The following TRHDE variants were observed in gnomAD, a reference collection of about 807,000 sequenced individuals.
TRHDE encodes the protein thyrotropin-releasing hormone-degrading ectoenzyme.
A neutral mutation model predicts 125.7 loss-of-function variants in TRHDE; 72 were observed. The ratio of observed to expected loss-of-function variants is 0.57; its 90% CI spans 0.47 to 0.70. TRHDE has a LOEUF of 0.70. TRHDE is among the 30% of genes least tolerant of loss of function. The pLI, the probability that TRHDE is intolerant of heterozygous loss-of-function variation, is 0.00. For synonymous variants in TRHDE, 509 were observed against 509.1 expected, an observed-to-expected ratio of 1.00 and a Z score of 0.00; for missense variants, 1,110 against 1,327.1, an observed-to-expected ratio of 0.84 and a Z score of 2.54.
chr12:72,406,114 T>C (rs558983679), intron 3 of TRHDE, among the ~76,000 whole-genome samples: 93 of 152,316 alleles, frequency 6.1e-4, no homozygotes, highest in African/African-American at 2.1e-3. Flanking sequence ...AAGGCTTTTA[T>C]ATAAAATAAT....
intron 2 of TRHDE, among the ~76,000 whole-genome samples, chr12:72,136,951 C>T (rs1566239536): frequency 6.6e-6 from 1 of 152,200 alleles, no homozygotes; most frequent in Non-Finnish European, 1.5e-5. Flanking sequence ...GCAGTGTGTA[C>T]TTTGGTCTCT....
chr12:72,294,581 A>G (rs1880215840), intron 2 of TRHDE, among the ~76,000 whole-genome samples: 1 of 152,008 alleles, frequency 6.6e-6, no homozygotes, highest in South Asian at 2.1e-4. Context: ...GGGCTCTTAT[A>G]AGCCTCAGAG....
chr12:72,296,085 A>G (rs1880289430), intron 2 of TRHDE, among the ~76,000 whole-genome samples: 1 of 152,188 alleles, frequency 6.6e-6, no homozygotes, highest in South Asian at 2.1e-4. Context: ...AACTCTTTGA[A>G]GGTAGGCACC....
At chr12:72,300,911 T>C (rs4237862) in intron 2 of TRHDE, among the ~76,000 whole-genome samples, 130,366 of 152,054 alleles carry the variant, frequency 0.86, 55,937 homozygotes, top group East Asian at 0.93. Flanking sequence ...ACTGAGTAGA[T>C]GGTGCATTAG....
chr12:72,348,053 TTTAA>T (rs1870409767), intron 2 of TRHDE, among the ~76,000 whole-genome samples: 1 of 151,976 alleles, frequency 6.6e-6, no homozygotes, highest in Non-Finnish European at 1.5e-5. Context: ...TAAAAAATAT[TTTAA>T]TTGACAATCA....
chr12:72,238,312 ATATATATATAC>A (rs1565669941), intron 2 of TRHDE, among the ~76,000 whole-genome samples: 5 of 35,006 alleles, frequency 1.4e-4, no homozygotes, highest in African/African-American at 4.8e-4. Context: ...ATATATATAT[ATATATATATAC>A]ATATATATAT....
intron 2 of TRHDE, among the ~76,000 whole-genome samples, chr12:72,367,057 C>A (rs1871366416): frequency 6.6e-6 from 1 of 152,078 alleles, no homozygotes; most frequent in South Asian, 2.1e-4. Context: ...GTTTTCATAT[C>A]ATCATGTGCC....
intron 2 of TRHDE, among the ~76,000 whole-genome samples, chr12:72,118,335 G>A (rs1051360390): frequency 6.6e-6 from 1 of 151,916 alleles, no homozygotes; most frequent in African/African-American, 2.4e-5. Context: ...CCTTCATTCT[G>A]TTGATACAAT....
intron 6 of TRHDE, among the ~76,000 whole-genome samples, chr12:72,515,984 C>G: frequency 6.9e-6 from 1 of 144,412 alleles, no homozygotes; most frequent in Non-Finnish European, 1.5e-5. Flanking sequence ...GGGCTCTGTT[C>G]TGTTCCATTG....
chr12:72,280,580 T>C (rs778421927), intron 1 of TRHDE, among the ~76,000 whole-genome samples: 10 of 151,892 alleles, frequency 6.6e-5, no homozygotes, highest in African/African-American at 9.7e-5. Context: ...AAAAGAAAGG[T>C]TGTGGTATTT....
chr12:72,630,558 C>A (rs565574755), intron 15 of TRHDE, among the ~76,000 whole-genome samples: 11 of 151,828 alleles, frequency 7.2e-5, no homozygotes, highest in African/African-American at 2.7e-4. Flanking sequence ...AATGCACACA[C>A]CTTCAGTCTC....
intron 2 of TRHDE, among the ~76,000 whole-genome samples, chr12:72,208,526 CTG>C (rs1432393140): frequency 6.6e-6 from 1 of 152,152 alleles, no homozygotes. Context: ...CAGTGGCAAA[CTG>C]TTGTGCTTAG....
intron 3 of TRHDE, among the ~76,000 whole-genome samples, chr12:72,413,223 A>G (rs949564782): frequency 6.6e-6 from 1 of 152,012 alleles, no homozygotes; most frequent in African/African-American, 2.4e-5. Flanking sequence ...TTTTTAAAAA[A>G]ATTCTTTTCA....
At chr12:72,368,430 C>A (rs988392206) in intron 2 of TRHDE, among the ~76,000 whole-genome samples, 1 of 151,950 alleles carries the variant, frequency 6.6e-6, no homozygotes, top group South Asian at 2.1e-4. Context: ...AAAGATAGAA[C>A]TTTGTATGTA....
intron 2 of TRHDE, chr12:72,256,707 T>C (rs1045511869): frequency 6.6e-6 from 1 of 152,212 alleles, no homozygotes; most frequent in Non-Finnish European, 1.5e-5. Flanking sequence ...GGTCTAATAC[T>C]TGCATTAGTT....
intron 2 of TRHDE, among the ~76,000 whole-genome samples, chr12:72,151,324 A>T (rs1592460028): frequency 6.6e-6 from 1 of 151,782 alleles, no homozygotes; most frequent in South Asian, 2.1e-4. Flanking sequence ...GATTGCAAAA[A>T]TTTTCTCCCA....
At chr12:72,507,987 G>C (rs1878427800) in intron 6 of TRHDE, among the ~76,000 whole-genome samples, 1 of 152,216 alleles carries the variant, frequency 6.6e-6, no homozygotes, top group Admixed American at 6.5e-5. Context: ...CATAACTCTT[G>C]GTGGCTTCCA....
intron 3 of TRHDE, among the ~76,000 whole-genome samples, chr12:72,463,342 T>C (rs1876215706): frequency 6.6e-6 from 1 of 152,186 alleles, no homozygotes; most frequent in African/African-American, 2.4e-5. Context: ...TATTATAGAC[T>C]TATGAATCTC....
chr12:72,328,885 A>G (rs1341003930), intron 2 of TRHDE, among the ~76,000 whole-genome samples: 1 of 152,180 alleles, frequency 6.6e-6, no homozygotes, highest in East Asian at 1.9e-4. Context: ...AACTAGTTTA[A>G]TAGCTCAATT....
Sources: gnomAD v4.1 joint callset for allele counts (sites outside exome capture counted in the v4.1 genomes callset) on GRCh38, gnomAD v4.1.1 for gene constraint, MANE v1.5 for transcripts, NCBI Gene and HGNC (gene_info 2026-07-23, HGNC 2026-07-21) for gene names.